The following TMEM132D variants were observed in gnomAD, a reference collection of about 807,000 sequenced individuals.
The protein encoded by TMEM132D is mature OL transmembrane protein.
In TMEM132D, 21 loss-of-function variants were observed where a neutral mutation model predicts 62.3. That is an observed-to-expected ratio of 0.34 (90% confidence interval 0.24 to 0.49). The LOEUF is 0.49. Among genes scored for constraint, TMEM132D ranks in the 20% least tolerant of loss-of-function variants. The pLI is 0.99. For synonymous variants in TMEM132D, 621 were observed against 575.6 expected, an observed-to-expected ratio of 1.08 and a Z score of -1.13; for missense variants, 1,346 against 1,402.8, an observed-to-expected ratio of 0.96 and a Z score of 0.65.
At chr12:129,844,336 G>A (rs1425232541) in intron 1 of TMEM132D, among the ~76,000 whole-genome samples, 2 of 152,154 alleles carry the variant, frequency 1.3e-5, no homozygotes, top group Non-Finnish European at 2.9e-5. Context: ...TGAAGAAGAG[G>A]TGAGCCTGCA....
chr12:129,641,314 T>C (rs1593101349), intron 2 of TMEM132D, among the ~76,000 whole-genome samples: 1 of 152,178 alleles, frequency 6.6e-6, no homozygotes, highest in Admixed American at 6.5e-5. Context: ...ATTTTACTTC[T>C]ATTCATTCAT....
intron 4 of TMEM132D, among the ~76,000 whole-genome samples, chr12:129,335,420 G>A (rs1458476697): frequency 6.6e-6 from 1 of 152,136 alleles, no homozygotes; most frequent in Non-Finnish European, 1.5e-5. Flanking sequence ...TTACAGGCAT[G>A]AGCCACCGCA....
chr12:129,484,118 C>G (rs1010467854), intron 3 of TMEM132D, among the ~76,000 whole-genome samples: 1 of 152,060 alleles, frequency 6.6e-6, no homozygotes, highest in Non-Finnish European at 1.5e-5. Context: ...TACAGGCGTG[C>G]ACCACCATAC....
At chr12:129,844,949 C>G (rs572628578) in intron 1 of TMEM132D, among the ~76,000 whole-genome samples, 1 of 152,096 alleles carries the variant, frequency 6.6e-6, no homozygotes, top group Non-Finnish European at 1.5e-5. Flanking sequence ...TGATTATGCT[C>G]TATAATCAGC....
chr12:129,247,801 T>C (rs1305631232), intron 4 of TMEM132D, among the ~76,000 whole-genome samples: 1 of 151,792 alleles, frequency 6.6e-6, no homozygotes, highest in Admixed American at 6.5e-5. Context: ...GCCCCATAGC[T>C]TTTAATTCTG....
At chr12:129,654,677 C>T (rs895596426) in intron 2 of TMEM132D, among the ~76,000 whole-genome samples, 1 of 152,132 alleles carries the variant, frequency 6.6e-6, no homozygotes, top group Admixed American at 6.6e-5. Flanking sequence ...TCATTTGGAC[C>T]CTCGGCTTGC....
At chr12:129,314,851 T>A (rs1223643237) in intron 4 of TMEM132D, among the ~76,000 whole-genome samples, 1 of 152,022 alleles carries the variant, frequency 6.6e-6, no homozygotes, top group Non-Finnish European at 1.5e-5. Context: ...TGGTTCAGTA[T>A]ATTCCTAAGT....
intron 3 of TMEM132D, among the ~76,000 whole-genome samples, chr12:129,514,305 C>T (rs139173289): frequency 1.1e-3 from 162 of 152,224 alleles, no homozygotes; most frequent in Non-Finnish European, 1.0e-3. Context: ...TCTTTTTTCT[C>T]CCTTGAATAA....
In TMEM132D at chr12:129,206,140, G is replaced by A. The variant is rs375821872; in HGVS notation, c.1443+3380C>T. On this transcript the variant is annotated intron_variant, in intron 5 of 8. Transcript: ENST00000422113. Reference sequence around the variant, plus strand: ...AAGTTAAGAGCATCTGCAGAGCAAAGGAAACTCAACAGAGTAAACAGACAA... The same window carrying A: ...AAGTTAAGAGCATCTGCAGAGCAAAAGAAACTCAACAGAGTAAACAGACAA... Among the ~76,000 whole-genome samples the A allele has an allele frequency of 4.7e-4, 72 of 152,158 alleles. 1 individual carries two copies. The highest frequency in any genetic ancestry group is 3.7e-3 in the South Asian group (18 of 4,820).
At chr12:129,078,782 CCA>C (rs2135611883) in intron 7 of TMEM132D, 57 bp from the exon 8 acceptor site, 1 of 1,571,666 alleles carries the variant, frequency 6.4e-7, no homozygotes, top group South Asian at 1.1e-5. Context: ...GGCAATGCCT[CCA>C]GTCACAGGAG....
At chr12:129,701,158 G>T (rs1351339338) in intron 1 of TMEM132D, among the ~76,000 whole-genome samples, 1 of 152,152 alleles carries the variant, frequency 6.6e-6, no homozygotes, top group African/African-American at 2.4e-5. Flanking sequence ...CACATGGATT[G>T]ATGCCACGTC....
intron 3 of TMEM132D, among the ~76,000 whole-genome samples, chr12:129,442,004 C>A (rs1872950809): frequency 6.6e-6 from 1 of 152,132 alleles, no homozygotes; most frequent in African/African-American, 2.4e-5. Flanking sequence ...AGGAGAGAGG[C>A]AAGGCTTGAA....
At chr12:129,487,546 C>T (rs1392404377) in intron 3 of TMEM132D, among the ~76,000 whole-genome samples, 1 of 152,022 alleles carries the variant, frequency 6.6e-6, no homozygotes, top group Non-Finnish European at 1.5e-5. Context: ...GGTGAGGCCA[C>T]CTGCTATGGT....
At chr12:129,625,525 C>T (rs947996451) in intron 2 of TMEM132D, among the ~76,000 whole-genome samples, 3 of 152,194 alleles carry the variant, frequency 2.0e-5, no homozygotes, top group Non-Finnish European at 4.4e-5. Flanking sequence ...GACATGTTCA[C>T]TAGCTCTGGT....
intron 3 of TMEM132D, among the ~76,000 whole-genome samples, chr12:129,423,597 T>C (rs1872392425): frequency 6.6e-6 from 1 of 152,170 alleles, no homozygotes; most frequent in East Asian, 1.9e-4. Flanking sequence ...TGAGAGTCTG[T>C]GTCACTCACC....
intron 4 of TMEM132D, among the ~76,000 whole-genome samples, chr12:129,317,996 T>TA (rs1868542624): frequency 6.6e-6 from 1 of 152,218 alleles, no homozygotes; most frequent in African/African-American, 2.4e-5. Flanking sequence ...TGAATTTTTT[T>TA]GTTTTTTTCT....
chr12:129,511,839 A>C (rs1875506480), intron 3 of TMEM132D, among the ~76,000 whole-genome samples: 1 of 152,142 alleles, frequency 6.6e-6, no homozygotes, highest in Admixed American at 6.5e-5. Context: ...TCCTTAGAAA[A>C]ATCTTGCCAA....
chr12:129,648,552 A>G (rs1262619818), intron 2 of TMEM132D, among the ~76,000 whole-genome samples: 1 of 152,222 alleles, frequency 6.6e-6, no homozygotes, highest in Admixed American at 6.5e-5. Flanking sequence ...GGGCAGTTAC[A>G]GTTCAAGGCA....
At chr12:129,297,603 A>AG (rs771026660) in intron 4 of TMEM132D, among the ~76,000 whole-genome samples, 3 of 152,148 alleles carry the variant, frequency 2.0e-5, no homozygotes, top group Non-Finnish European at 4.4e-5. Flanking sequence ...TGCTCGGGAG[A>AG]GAATCTGATC....
Sources: allele counts gnomAD v4.1 joint callset (sites outside exome capture counted in the v4.1 genomes callset), GRCh38; gene constraint gnomAD v4.1.1; transcripts MANE v1.5; gene names NCBI Gene and HGNC (gene_info 2026-07-23, HGNC 2026-07-21).